TAFA1: variants seen among roughly 807,000 people sequenced by gnomAD.
TAFA1 encodes the protein chemokine-like protein TAFA-1.
Under a neutral mutation model 18.5 loss-of-function variants are expected in TAFA1, and 4 were observed. That is an observed-to-expected ratio of 0.22 (90% CI 0.11 to 0.49). The LOEUF is 0.49. TAFA1 is among the 20% of genes least tolerant of loss of function. TAFA1 has a pLI of 0.98. For missense variants in TAFA1, 147 were observed against 169.0 expected, an observed-to-expected ratio of 0.87 and a Z score of 0.72; for synonymous variants, 56 against 55.2, an observed-to-expected ratio of 1.01 and a Z score of -0.06.
chr3:68,229,725 A>T (rs1019140156), intron 2 of TAFA1, among the ~76,000 whole-genome samples: 2 of 152,228 alleles, frequency 1.3e-5, no homozygotes, highest in Non-Finnish European at 2.9e-5. Flanking sequence ...CTCAATGTGC[A>T]TTCATTGGAA....
At chr3:68,495,341 C>A (rs1238353913) in intron 3 of TAFA1, among the ~76,000 whole-genome samples, 2 of 152,140 alleles carry the variant, frequency 1.3e-5, no homozygotes, top group Non-Finnish European at 2.9e-5. Flanking sequence ...GTAAAAAGAG[C>A]AACTTCTTTT....
intron 2 of TAFA1, among the ~76,000 whole-genome samples, chr3:68,022,395 A>G (rs906689229): frequency 1.3e-5 from 2 of 152,158 alleles, no homozygotes; most frequent in African/African-American, 2.4e-5. Context: ...TCCTGACAGG[A>G]CAGACATTCT....
intron 3 of TAFA1, among the ~76,000 whole-genome samples, chr3:68,453,213 G>T (rs532965554): frequency 3.1e-4 from 47 of 152,266 alleles, no homozygotes; most frequent in Non-Finnish European, 5.4e-4. Context: ...CAAACCCTCT[G>T]TCTTGACAAG....
chr3:68,242,949 C>T lies in TAFA1; in HGVS notation c.119-174331C>T, dbSNP rs184012115. On this transcript the variant is annotated intron_variant, in intron 2 of 4. Transcript: ENST00000478136. Reference sequence around the variant, plus strand: ...GAGCAGAAAAAAGATCAACTTATCCCTGATGGATTATATGATTGTATGATT... The same window carrying T: ...GAGCAGAAAAAAGATCAACTTATCCTTGATGGATTATATGATTGTATGATT... Among the ~76,000 whole-genome samples the T allele has an allele frequency of 2.3e-3, 347 of 152,124 alleles. 11 individuals are homozygous for T. In the South Asian group the frequency reaches 0.058, roughly 26 times the overall value.
intron 3 of TAFA1, among the ~76,000 whole-genome samples, chr3:68,439,186 TC>T: frequency 6.6e-6 from 1 of 152,094 alleles, no homozygotes; most frequent in Admixed American, 6.6e-5. Context: ...GTTTTCCAAA[TC>T]TTTCTACTCT....
intron 3 of TAFA1, among the ~76,000 whole-genome samples, chr3:68,462,587 T>C (rs930646150): frequency 2.0e-5 from 3 of 152,218 alleles, no homozygotes; most frequent in African/African-American, 4.8e-5. Context: ...ATATAGTAAC[T>C]GATTCCAGAT....
At chr3:68,417,005 C>T (rs1328537765) in intron 2 of TAFA1, among the ~76,000 whole-genome samples, 2 of 152,074 alleles carry the variant, frequency 1.3e-5, no homozygotes, top group Non-Finnish European at 2.9e-5. Flanking sequence ...GTGTTAGTTG[C>T]AGGCATTCAT....
At chr3:68,394,525 G>A (rs2070334780) in intron 2 of TAFA1, among the ~76,000 whole-genome samples, 1 of 152,052 alleles carries the variant, frequency 6.6e-6, no homozygotes, top group African/African-American at 2.4e-5. Context: ...AACAAAATTG[G>A]AGGCATCATG....
intron 3 of TAFA1, among the ~76,000 whole-genome samples, chr3:68,473,725 T>G (rs1421087426): frequency 6.6e-6 from 1 of 152,166 alleles, no homozygotes; most frequent in African/African-American, 2.4e-5. Flanking sequence ...TTTTTCCAAG[T>G]CTTGATCACT....
intron 2 of TAFA1, among the ~76,000 whole-genome samples, chr3:68,387,833 C>A (rs1332423268): frequency 1.3e-5 from 2 of 152,018 alleles, no homozygotes; most frequent in South Asian, 2.1e-4. Flanking sequence ...GAGACCACAG[C>A]CTTGGAAGGT....
At chr3:68,490,775 A>T (rs1050663955) in intron 3 of TAFA1, among the ~76,000 whole-genome samples, 1 of 152,096 alleles carries the variant, frequency 6.6e-6, no homozygotes, top group Non-Finnish European at 1.5e-5. Context: ...AATGCAGTAA[A>T]TATCAACAGA....
intron 3 of TAFA1, among the ~76,000 whole-genome samples, chr3:68,472,465 C>T (rs2072015689): frequency 6.6e-6 from 1 of 151,880 alleles, no homozygotes; most frequent in Non-Finnish European, 1.5e-5. Flanking sequence ...GGTATACACA[C>T]AAGCCTTCTA....
At chr3:68,261,713 C>G (rs912444942) in intron 2 of TAFA1, among the ~76,000 whole-genome samples, 23 of 151,980 alleles carry the variant, frequency 1.5e-4, no homozygotes, top group Non-Finnish European at 3.2e-4. Context: ...GGGAATTGAA[C>G]AATGAGAACA....
At chr3:68,250,167 C>T (rs1185581631) in intron 2 of TAFA1, among the ~76,000 whole-genome samples, 1 of 152,074 alleles carries the variant, frequency 6.6e-6, no homozygotes, top group East Asian at 1.9e-4. Context: ...TTAATCCAGA[C>T]TTCTCCATGT....
chr3:68,338,800 A>G (rs995558976), intron 2 of TAFA1, among the ~76,000 whole-genome samples: 2 of 152,246 alleles, frequency 1.3e-5, no homozygotes, highest in South Asian at 2.1e-4. Flanking sequence ...ATAACAAGTT[A>G]AACTAAAACT....
chr3:68,390,931 A>G (rs1013508695), intron 2 of TAFA1, among the ~76,000 whole-genome samples: 2 of 152,220 alleles, frequency 1.3e-5, no homozygotes, highest in African/African-American at 4.8e-5. Context: ...TGAAAATTCC[A>G]AAACCCAGAA....
chr3:68,532,928 C>T (rs2073211688), intron 3 of TAFA1, among the ~76,000 whole-genome samples: 1 of 150,364 alleles, frequency 6.7e-6, no homozygotes, highest in Non-Finnish European at 1.5e-5. Flanking sequence ...TGACATAGGT[C>T]TCAATCAATT....
rs1393508236 is a variant in TAFA1, at chr3:68,498,873, C to T, written c.260-39883C>T. 4.6e-5 allele frequency among the ~76,000 whole-genome samples: 7 copies of T among 151,544 alleles called. No homozygotes were observed. The East Asian group carries it at 1.4e-3, about 29-fold the overall frequency. On this transcript the variant is annotated intron_variant, in intron 3 of 4. Coordinates refer to ENST00000478136, the MANE Select transcript of TAFA1 (RefSeq NM_213609.4). ...GATTGACTAAAATGGTCTTCAGGGA[C>T]TTTCATGAGTAAAGGAGATATATTT...
intron 2 of TAFA1, among the ~76,000 whole-genome samples, chr3:68,065,765 TAC>T (rs57317058): frequency 0.16 from 9,364 of 59,840 alleles, 341 homozygotes; most frequent in South Asian, 0.34. Context: ...TATATATATA[TAC>T]ACACACATTA....
Sources: allele counts gnomAD v4.1 joint callset (sites outside exome capture counted in the v4.1 genomes callset), GRCh38; gene constraint gnomAD v4.1.1; transcripts MANE v1.5; gene names NCBI Gene and HGNC (gene_info 2026-07-23, HGNC 2026-07-21).